Variants in TRDN observed in about 807,000 individuals in gnomAD.
TRDN encodes the protein triadin in skeletal muscle.
A neutral mutation model predicts 149.7 loss-of-function variants in TRDN; 161 were observed. That is an observed-to-expected ratio of 1.08 (90% CI 0.95 to 1.23). TRDN has a LOEUF of 1.23. Among genes scored for constraint, TRDN ranks in the 50% most tolerant of loss-of-function variants. The probability of loss-of-function intolerance (pLI) is 0.00; values close to 1 mark genes in which losing one functional copy is unlikely to be tolerated. For synonymous variants in TRDN, 294 were observed against 250.5 expected, an observed-to-expected ratio of 1.17 and a Z score of -1.64; for missense variants, 896 against 823.5, an observed-to-expected ratio of 1.09 and a Z score of -1.08.
At chr6:123,279,140 C>T in intron 24 of TRDN, 58 bp from the exon 25 acceptor site, 1 of 1,332,960 alleles carries the variant, frequency 7.5e-7, no homozygotes, top group Non-Finnish European at 1.0e-6. Flanking sequence ...ATTAAATTAA[C>T]ATTATTGAAT....
intron 12 of TRDN, among the ~76,000 whole-genome samples, chr6:123,414,668 A>G (rs879288450): frequency 1.3e-5 from 2 of 152,148 alleles, no homozygotes; most frequent in African/African-American, 4.8e-5. Context: ...GTCTTAAAAC[A>G]CACATTACAT....
At chr6:123,594,691 C>T (rs1187274648) in intron 1 of TRDN, among the ~76,000 whole-genome samples, 4 of 151,704 alleles carry the variant, frequency 2.6e-5, no homozygotes, top group Admixed American at 1.3e-4. Flanking sequence ...CCCTCAGAAC[C>T]TAAAATACAG....
intron 14 of TRDN, among the ~76,000 whole-genome samples, chr6:123,384,451 A>C (rs1205360606): frequency 6.6e-6 from 1 of 152,166 alleles, no homozygotes; most frequent in Non-Finnish European, 1.5e-5. Context: ...GAATAAATTC[A>C]ACCTAAAGTT....
At chr6:123,636,556 ATC>A (rs1222764228) in intron 1 of TRDN, among the ~76,000 whole-genome samples, 196 bp downstream of exon 1, 4 of 151,906 alleles carry the variant, frequency 2.6e-5, no homozygotes, top group African/African-American at 9.7e-5. Context: ...TTTAAGAGAA[ATC>A]TCTTTTTGCT....
At chr6:123,235,573 A>T (rs942101452) in intron 38 of TRDN, among the ~76,000 whole-genome samples, 1 of 152,056 alleles carries the variant, frequency 6.6e-6, no homozygotes, top group Non-Finnish European at 1.5e-5. Flanking sequence ...TTTATTTTTT[A>T]AAATAATCAC....
At chr6:123,416,943 T>C (rs1244002498) in intron 12 of TRDN, among the ~76,000 whole-genome samples, 1 of 152,174 alleles carries the variant, frequency 6.6e-6, no homozygotes, top group East Asian at 1.9e-4. Flanking sequence ...CCTTAGGTGA[T>C]CCACCTGCCT....
At chr6:123,466,760 C>T (rs181138375) in intron 9 of TRDN, among the ~76,000 whole-genome samples, 2 of 151,932 alleles carry the variant, frequency 1.3e-5, no homozygotes, top group East Asian at 3.9e-4. Context: ...AGTTAAATGA[C>T]CAAACTTTTA....
At chr6:123,322,766 C>T (rs1230628900) in intron 23 of TRDN, among the ~76,000 whole-genome samples, 1 of 151,642 alleles carries the variant, frequency 6.6e-6, no homozygotes, top group East Asian at 1.9e-4. Context: ...TCAGCCTCCC[C>T]AGCAGCTGGG....
chr6:123,286,419 C>T (rs1002136741), intron 24 of TRDN, among the ~76,000 whole-genome samples: 8 of 152,090 alleles, frequency 5.3e-5, no homozygotes, highest in Non-Finnish European at 1.0e-4. Context: ...AATGAAGTAA[C>T]TCTGGATTGG....
chr6:123,345,988 TA>T (rs1780232295), intron 21 of TRDN, among the ~76,000 whole-genome samples: 1 of 152,098 alleles, frequency 6.6e-6, no homozygotes, highest in Non-Finnish European at 1.5e-5. Context: ...AATACAGTTT[TA>T]TTTTTTTCCC....
chr6:123,390,198 A>G (rs1782055124), intron 13 of TRDN, among the ~76,000 whole-genome samples: 1 of 152,138 alleles, frequency 6.6e-6, no homozygotes, highest in Non-Finnish European at 1.5e-5. Flanking sequence ...AAAGGCCTTG[A>G]CCAACGCCAA....
intron 8 of TRDN, chr6:123,498,729 A>G (rs1002192407): frequency 1.1e-4 from 43 of 403,338 alleles, no homozygotes; most frequent in African/African-American, 7.7e-4. Flanking sequence ...ACAAAACTGT[A>G]GAACTGGCAA....
intron 31 of TRDN, 43 bp from the exon 32 acceptor site, chr6:123,267,794 T>C (rs1164804433): frequency 1.6e-5 from 24 of 1,469,648 alleles, no homozygotes; most frequent in Admixed American, 2.1e-5. Flanking sequence ...TGTGGATTCT[T>C]TGGCAAATAT....
intron 23 of TRDN, among the ~76,000 whole-genome samples, chr6:123,325,877 A>G (rs1182777900): frequency 6.6e-6 from 1 of 152,140 alleles, no homozygotes; most frequent in Non-Finnish European, 1.5e-5. Context: ...TACTCCTTCA[A>G]TAAATCATTG....
At chr6:123,422,457 T>C (rs1311436853) in intron 12 of TRDN, among the ~76,000 whole-genome samples, 2 of 152,144 alleles carry the variant, frequency 1.3e-5, no homozygotes, top group Non-Finnish European at 2.9e-5. Context: ...GGAAAAGTTA[T>C]GGGAGATGGG....
intron 38 of TRDN, among the ~76,000 whole-genome samples, chr6:123,229,140 T>C (rs1432401794): frequency 6.6e-6 from 1 of 151,924 alleles, no homozygotes; most frequent in Admixed American, 6.6e-5. Context: ...GAGATAGCAG[T>C]GAATCCATCC....
chr6:123,385,831 C>A (rs1051953366), intron 14 of TRDN, among the ~76,000 whole-genome samples: 5 of 151,970 alleles, frequency 3.3e-5, no homozygotes, highest in Admixed American at 3.3e-4. Context: ...TGGATCTGCT[C>A]GTAGAATTCA....
chr6:123,256,828 T>A (rs1776580702), intron 35 of TRDN, among the ~76,000 whole-genome samples: 1 of 152,128 alleles, frequency 6.6e-6, no homozygotes. Flanking sequence ...TTTAATTAGA[T>A]CCCATTTGTC....
intron 9 of TRDN, among the ~76,000 whole-genome samples, chr6:123,490,833 A>G (rs1461009794): frequency 6.6e-6 from 1 of 152,210 alleles, no homozygotes; most frequent in Non-Finnish European, 1.5e-5. Flanking sequence ...GCCCAGGCAC[A>G]GTGGCTCACG....
Sources: allele counts gnomAD v4.1 joint callset (sites outside exome capture counted in the v4.1 genomes callset), GRCh38; gene constraint gnomAD v4.1.1; transcripts MANE v1.5; gene names NCBI Gene and HGNC (gene_info 2026-07-23, HGNC 2026-07-21).